Variants in RNF180 observed in about 807,000 individuals in gnomAD.
RNF180 encodes E3 ubiquitin-protein ligase RNF180.
RNF180 carries 38 observed loss-of-function variants against 59.2 expected under a neutral mutation model. That is an observed-to-expected ratio of 0.64 (90% CI 0.50 to 0.84). RNF180 has a LOEUF of 0.84. Ranked by LOEUF, RNF180 falls within the 40% of genes least tolerant of loss-of-function variation. The pLI, the probability that RNF180 is intolerant of heterozygous loss-of-function variation, is 0.00. For synonymous variants in RNF180, 262 were observed against 240.3 expected (o/e 1.09, Z -0.84); for missense variants, 705 against 700.9 (o/e 1.01, Z -0.07).
At chr5:64,192,939 A>ATATATATATATATATATATATATAT (rs1554028955) in intron 1 of RNF180, among the ~76,000 whole-genome samples, 15 of 135,454 alleles carry the variant, frequency 1.1e-4, no homozygotes, top group African/African-American at 3.0e-4. Flanking sequence ...ATATATATAT[A>ATATATATATATATATATATATATAT]AAATGAAACA....
intron 5 of RNF180, among the ~76,000 whole-genome samples, chr5:64,243,419 T>G (rs1742916442): frequency 6.6e-6 from 1 of 152,148 alleles, no homozygotes; most frequent in Admixed American, 6.5e-5. Flanking sequence ...CTGCCATAAC[T>G]GAGGCTTGAG....
intron 5 of RNF180, among the ~76,000 whole-genome samples, chr5:64,286,779 A>G (rs1236069916): frequency 2.0e-5 from 3 of 152,250 alleles, no homozygotes; most frequent in Non-Finnish European, 2.9e-5. Flanking sequence ...CACAAGAAAT[A>G]CAGCAGAGAA....
intron 5 of RNF180, among the ~76,000 whole-genome samples, chr5:64,317,993 G>A (rs900714854): frequency 6.6e-6 from 1 of 152,084 alleles, no homozygotes; most frequent in African/African-American, 2.4e-5. Flanking sequence ...ATTAAACACT[G>A]CACTGAAAGT....
intron 1 of RNF180, among the ~76,000 whole-genome samples, chr5:64,185,527 GT>G (rs954134092): frequency 1.3e-5 from 2 of 152,176 alleles, no homozygotes; most frequent in African/African-American, 4.8e-5. Context: ...TTCTAATTAG[GT>G]TTTTTTCCCA....
intron 7 of RNF180, among the ~76,000 whole-genome samples, chr5:64,337,761 GTTT>G (rs1331856237): frequency 1.3e-5 from 2 of 149,952 alleles, no homozygotes; most frequent in Admixed American, 1.3e-4. Flanking sequence ...GCGGTGTTTG[GTTT>G]TTTGTCCTTG....
At chr5:64,342,146 T>C (rs1450048375) in intron 7 of RNF180, among the ~76,000 whole-genome samples, 1 of 152,072 alleles carries the variant, frequency 6.6e-6, no homozygotes, top group Non-Finnish European at 1.5e-5. Flanking sequence ...GAGTAGGATA[T>C]AGTAAGTGGT....
chr5:64,202,784 ATAT>A (rs1168953185), intron 2 of RNF180, among the ~76,000 whole-genome samples: 2 of 152,194 alleles, frequency 1.3e-5, no homozygotes, highest in Admixed American at 6.5e-5. Flanking sequence ...TGCTTTAAAA[ATAT>A]TATTCATTCC....
At chr5:64,192,763 A>G (rs923725244) in intron 1 of RNF180, among the ~76,000 whole-genome samples, 4 of 151,902 alleles carry the variant, frequency 2.6e-5, no homozygotes, top group African/African-American at 9.7e-5. Flanking sequence ...TCTGATGTAT[A>G]TACAGAATAA....
chr5:64,329,438 A>AT (rs1040545993), intron 6 of RNF180, among the ~76,000 whole-genome samples: 40 of 146,608 alleles, frequency 2.7e-4, no homozygotes, highest in African/African-American at 6.5e-4. Context: ...CATTAGTTAG[A>AT]TTTTTTTTCT....
intron 5 of RNF180, among the ~76,000 whole-genome samples, chr5:64,304,330 A>G (rs1486772092): frequency 1.3e-5 from 2 of 151,622 alleles, no homozygotes; most frequent in African/African-American, 2.4e-5. Flanking sequence ...TACTAAGGCT[A>G]TAGCTGCCAT....
chr5:64,340,935 C>T (rs1745332382), intron 7 of RNF180, among the ~76,000 whole-genome samples: 2 of 151,922 alleles, frequency 1.3e-5, no homozygotes, highest in Non-Finnish European at 2.9e-5. Context: ...CTTCCTTTAC[C>T]TCCTTCCCTC....
chr5:64,167,336 A>C (rs1223035777), intron 1 of RNF180, among the ~76,000 whole-genome samples: 8 of 152,144 alleles, frequency 5.3e-5, no homozygotes, highest in Non-Finnish European at 1.5e-5. Context: ...ATCTCTCTGG[A>C]ACCATCAACA....
chr5:64,165,866 G>A lies in RNF180; in HGVS notation c.-88G>A, dbSNP rs924436026. The A allele has an allele frequency of 3.5e-4, 54 of 152,302 alleles. No individual in the cohort carries two copies. The highest frequency in any genetic ancestry group is 1.2e-3 in the African/African-American group (50 of 41,548). 9.4% of individuals were successfully genotyped at this position (152,302 alleles called of 1,614,324 possible). Reference sequence around the variant, plus strand: ...CCGAACCGGCATCGCCGCCGCCGGAGCCGCAGCGAGTCCTCAGAGCCTGGC... The same window carrying A: ...CCGAACCGGCATCGCCGCCGCCGGAACCGCAGCGAGTCCTCAGAGCCTGGC... On this transcript the variant is annotated 5_prime_UTR_variant, in exon 1 of 8. Transcript: ENST00000389100.
chr5:64,194,979 T>C (rs1309977218), intron 1 of RNF180, among the ~76,000 whole-genome samples: 2 of 152,218 alleles, frequency 1.3e-5, no homozygotes, highest in African/African-American at 4.8e-5. Context: ...TGTATATATG[T>C]ATGTAAAATA....
intron 5 of RNF180, among the ~76,000 whole-genome samples, chr5:64,321,866 A>G (rs1228153718): frequency 6.6e-6 from 1 of 152,124 alleles, no homozygotes; most frequent in Admixed American, 6.5e-5. Context: ...CACATCTACA[A>G]CCATCTGATC....
At chr5:64,355,177 C>G (rs543252069) in intron 7 of RNF180, among the ~76,000 whole-genome samples, 1 of 151,712 alleles carries the variant, frequency 6.6e-6, no homozygotes, top group South Asian at 2.1e-4. Flanking sequence ...ACAGAAAATC[C>G]CAAAGAATTC....
intron 5 of RNF180, among the ~76,000 whole-genome samples, chr5:64,276,747 ATTATT>A (rs1741742114): frequency 6.6e-6 from 1 of 152,102 alleles, no homozygotes; most frequent in Non-Finnish European, 1.5e-5. Context: ...AGGGGATATG[ATTATT>A]TTAAGTCTTA....
intron 5 of RNF180, among the ~76,000 whole-genome samples, chr5:64,222,435 G>A (rs1032175395): frequency 6.6e-6 from 1 of 152,188 alleles, no homozygotes; most frequent in Non-Finnish European, 1.5e-5. Flanking sequence ...AGCAAAGGGA[G>A]GGGGTACATG....
rs967428626 is a variant in RNF180, at chr5:64,291,591, A to T, written c.1228-33595A>T. Among the ~76,000 whole-genome samples, 10 of 149,556 alleles carry T rather than the reference A, an allele frequency of 6.7e-5. No homozygotes were observed. In the East Asian group the frequency reaches 2.0e-3, roughly 30 times the overall value. On this transcript the variant is annotated intron_variant, in intron 5 of 7. Transcript: ENST00000389100. The stretch of plus-strand genomic sequence containing the variant: ...AAGTGCCCACCACCGCACCCGGCTA[A>T]TTTTTTTTTGTATTTTTAGTAGAGA...
Sources: gnomAD v4.1 joint callset for allele counts (sites outside exome capture counted in the v4.1 genomes callset) on GRCh38, gnomAD v4.1.1 for gene constraint, MANE v1.5 for transcripts, NCBI Gene and HGNC (gene_info 2026-07-23, HGNC 2026-07-21) for gene names.